RBM19: variants seen among roughly 807,000 people sequenced by gnomAD.
RBM19 encodes the protein probable RNA-binding protein 19.
In RBM19, 94 loss-of-function variants were observed where a neutral mutation model predicts 116.8. The observed-to-expected ratio is 0.80, with a 90% CI of 0.68 to 0.95. RBM19 has a LOEUF of 0.95. Among genes scored for constraint, RBM19 ranks in the 40% least tolerant of loss-of-function variants. The pLI is 0.00. For missense variants in RBM19, 1,161 were observed against 1,220.7 expected (o/e 0.95, Z 0.73); for synonymous variants, 475 against 494.1 (o/e 0.96, Z 0.51).
intron 14 of RBM19, 130 bp from the exon 15 acceptor site, chr12:113,940,290 G>T: frequency 1.1e-6 from 1 of 923,042 alleles, no homozygotes; most frequent in Non-Finnish European, 1.6e-6. Flanking sequence ...GCACTTAGGA[G>T]GAAGACCCAG....
In RBM19 at chr12:113,940,088, G is replaced by A; in HGVS notation, c.1810C>T (p.Gln604Ter). Residue 604 changes from glutamine (Q) to a stop codon, truncating the protein, a stop_gained, in exon 15 of 24, where the codon CAG becomes TAG. Coordinates refer to ENST00000261741, the MANE Select transcript of RBM19 (RefSeq NM_016196.4). LOFTEE classifies it high-confidence loss of function. ...LPAGTLAAQL[Q>*]ETFGHFGSLG... Reference sequence around the variant, plus strand: ...CTGCCAAAATGGCCGAAGGTCTCCTGCAGCTGGGCCGCCAGGGTGCCTGCC... The same window carrying A: ...CTGCCAAAATGGCCGAAGGTCTCCTACAGCTGGGCCGCCAGGGTGCCTGCC... 1 of 1,614,108 alleles carries A rather than the reference G, an allele frequency of 6.2e-7. No individual in the cohort carries two copies. Among genetic ancestry groups the A allele is most frequent in the Non-Finnish European group, 8.5e-7 (1 of 1,179,976 alleles).
At chr12:113,914,363 G>A in intron 21 of RBM19, among the ~76,000 whole-genome samples, 1 of 152,230 alleles carries the variant, frequency 6.6e-6, no homozygotes, top group South Asian at 2.1e-4. Flanking sequence ...AGGTGCTGAC[G>A]GACTGCTTTA....
In RBM19 at chr12:113,924,741, C is replaced by A. The variant is rs771957255; in HGVS notation, c.2261G>T (p.Gly754Val). 5.2e-6 allele frequency: 8 copies of A among 1,551,354 alleles called. No individual in the cohort carries two copies. The highest frequency in any genetic ancestry group is 1.4e-5 in the African/African-American group (1 of 73,406). Reference protein sequence around the residue: ...EKLKEVFSKVGTVKSCSISKK... With the variant: ...EKLKEVFSKVVTVKSCSISKK... ...GGAGATGGAGCAGCTCTTCACTGTC[C>A]CCACTTTTGAAAACACCTGGATAAG... Residue 754 changes from glycine to valine, a missense_variant, in exon 18 of 24, where the codon GGG (glycine) becomes GTG (valine). Physicochemically the swap from Gly to Val is moderately radical, Grantham distance 109 (BLOSUM62 -3). Transcript: ENST00000261741.
Position 113,823,011 on chromosome 12 carries a change from C to T in RBM19, c.*213G>A, listed in dbSNP as rs1260532360. The T allele has an allele frequency of 1.6e-5, 9 of 569,106 alleles. No individual in the cohort carries two copies. The highest frequency in any genetic ancestry group is 4.7e-4 in the Middle Eastern group (1 of 2,120). 35.3% of individuals were successfully genotyped at this position (569,106 alleles called of 1,614,324 possible). On this transcript the variant is annotated 3_prime_UTR_variant, in exon 24 of 24. Transcript: ENST00000261741. ...GGTGCGCAGTCAGTGTCTGCTAGAA[C>T]GCGTCACTGGTGAAACCCAGGATGC... is the stretch of plus-strand genomic sequence containing the variant.
intron 21 of RBM19, among the ~76,000 whole-genome samples, chr12:113,905,417 T>C (rs1277193500): frequency 1.3e-5 from 2 of 152,196 alleles, no homozygotes; most frequent in African/African-American, 4.8e-5. Context: ...AAATGCTCCT[T>C]GGTCTGCACC....
intron 22 of RBM19, among the ~76,000 whole-genome samples, chr12:113,849,559 T>C (rs1432156330): frequency 6.6e-6 from 1 of 152,216 alleles, no homozygotes; most frequent in Non-Finnish European, 1.5e-5. Flanking sequence ...TTTGAAACGA[T>C]ACACAAATAA....
At chr12:113,828,720 G>T (rs1875100048) in intron 23 of RBM19, among the ~76,000 whole-genome samples, 1 of 152,170 alleles carries the variant, frequency 6.6e-6, no homozygotes, top group Admixed American at 6.5e-5. Context: ...GGCTGGCCTG[G>T]CTTGGGAGGC....
intron 20 of RBM19, among the ~76,000 whole-genome samples, chr12:113,916,258 T>C (rs1882764220): frequency 6.6e-6 from 1 of 152,022 alleles, no homozygotes; most frequent in African/African-American, 2.4e-5. Flanking sequence ...AATACAAAAA[T>C]TAGCCAGGTG....
Position 113,958,859 on chromosome 12 carries a change from T to C in RBM19, c.571+353A>G, listed in dbSNP as rs764134387. On this transcript the variant is annotated intron_variant, in intron 5 of 23. Transcript: ENST00000261741. The stretch of plus-strand genomic sequence containing the variant: ...TGCTTTCTCTCTGTAGCATTCATCA[T>C]CCTATGATATACCCAACAGTGGACT... 7.2e-5 allele frequency among the ~76,000 whole-genome samples: 11 copies of C among 152,192 alleles called. 1 individual carries two copies. The highest frequency in any genetic ancestry group is 1.2e-4 in the Non-Finnish European group (8 of 68,040).
Position 113,824,270 on chromosome 12 carries a change from C to T in RBM19, c.2786-949G>A, listed in dbSNP as rs188308525. ...GCTAAGAAGCGGTGGAGCCAGGATT[C>T]GAACCCCAGTCACACCTAAGCCCAC... On this transcript the variant is annotated intron_variant, in intron 23 of 23. Coordinates refer to ENST00000261741, the MANE Select transcript of RBM19 (RefSeq NM_016196.4). Among the ~76,000 whole-genome samples, 237 of 152,208 alleles carry T rather than the reference C, an allele frequency of 1.6e-3. 2 individuals are homozygous for T. Among genetic ancestry groups the T allele is most frequent in the Admixed American group, 3.3e-3 (51 of 15,306 alleles).
chr12:113,942,462 G>T (rs532873488), intron 13 of RBM19, 28 bp from the exon 14 acceptor site: 3 of 1,568,736 alleles, frequency 1.9e-6, no homozygotes, highest in African/African-American at 1.4e-5. Flanking sequence ...AAGAGTTCTG[G>T]TTGGCTGTCG....
intron 1 of RBM19, among the ~76,000 whole-genome samples, chr12:113,964,245 C>A (rs1009034412): frequency 2.6e-5 from 4 of 152,222 alleles, no homozygotes; most frequent in Non-Finnish European, 4.4e-5. Flanking sequence ...TGACCTCAGG[C>A]AAATCCCTGT....
At chr12:113,829,127 A>T (rs1421923777) in intron 23 of RBM19, among the ~76,000 whole-genome samples, 2 of 152,040 alleles carry the variant, frequency 1.3e-5, no homozygotes, top group African/African-American at 4.8e-5. Context: ...CCTCCCAAGT[A>T]GCTGGGATTA....
intron 21 of RBM19, 78 bp downstream of exon 21, chr12:113,914,891 C>T (rs1882673110): frequency 1.8e-5 from 24 of 1,301,644 alleles, no homozygotes; most frequent in Non-Finnish European, 2.5e-5. Flanking sequence ...ATCCAGGACC[C>T]AAAGGCCATC....
chr12:113,944,766 C>A (rs1025411644), intron 13 of RBM19, among the ~76,000 whole-genome samples: 11 of 151,716 alleles, frequency 7.3e-5, no homozygotes, highest in Admixed American at 2.6e-4. Context: ...CATGTCACTG[C>A]ACTCCAGCCT....
rs1263274601 is a variant in RBM19, at chr12:113,920,635, G to A, written c.2361C>T (p.Ala787=). 1.2e-6 allele frequency: 2 copies of A among 1,613,958 alleles called. No homozygotes were observed. The highest frequency in any genetic ancestry group is 1.7e-6 in the Non-Finnish European group (2 of 1,179,994). ...GFVEYRKPEQ[A]QKALKQLQGH... ...CCTGGAGCTGCTTGAGAGCTTTCTGGGCTTGCTCCGGCTTCCTGTATTCCA... is the reference window on the plus strand; with the variant it reads ...CCTGGAGCTGCTTGAGAGCTTTCTGAGCTTGCTCCGGCTTCCTGTATTCCA... Residue 787 remains alanine, a synonymous_variant, in exon 19 of 24, where the codon GCC becomes GCT. Transcript: ENST00000261741.
At chr12:113,905,971 G>A (rs1882014324) in intron 21 of RBM19, among the ~76,000 whole-genome samples, 1 of 152,340 alleles carries the variant, frequency 6.6e-6, no homozygotes, top group East Asian at 1.9e-4. Flanking sequence ...ACAACACCAA[G>A]TGTGGACGAG....
intron 18 of RBM19, 113 bp from the exon 19 acceptor site, chr12:113,920,803 C>G (rs947938887): frequency 1.1e-6 from 1 of 878,378 alleles, no homozygotes; most frequent in Non-Finnish European, 1.8e-6. Context: ...CTTTTCATAC[C>G]CCCTTCATTC....
At chr12:113,885,796 AT>A (rs1880472753) in intron 21 of RBM19, among the ~76,000 whole-genome samples, 1 of 150,584 alleles carries the variant, frequency 6.6e-6, no homozygotes, top group South Asian at 2.1e-4. Flanking sequence ...ACTTTTCTAT[AT>A]GTTTGAATTT....
Sources: allele counts gnomAD v4.1 joint callset (sites outside exome capture counted in the v4.1 genomes callset), GRCh38; gene constraint gnomAD v4.1.1; transcripts MANE v1.5; gene names NCBI Gene and HGNC (gene_info 2026-07-23, HGNC 2026-07-21).